GRID1: variants seen among roughly 807,000 people sequenced by gnomAD.
GRID1 encodes glutamate receptor ionotropic, delta-1.
In GRID1, 28 loss-of-function variants were observed where a neutral mutation model predicts 98.0. The observed-to-expected ratio is 0.29, with a 90% CI of 0.21 to 0.39. The LOEUF is 0.39. Among genes scored for constraint, GRID1 ranks in the 10% least tolerant of loss-of-function variants. The pLI, the probability that GRID1 is intolerant of heterozygous loss-of-function variation, is 1.00. For synonymous variants in GRID1, 553 were observed against 538.5 expected (o/e 1.03, Z -0.37); for missense variants, 1,111 against 1,340.5 (o/e 0.83, Z 2.67).
intron 3 of GRID1, among the ~76,000 whole-genome samples, chr10:86,185,453 A>T (rs1845714640): frequency 6.6e-6 from 1 of 152,000 alleles, no homozygotes; most frequent in South Asian, 2.1e-4. Context: ...CAATCTGGGC[A>T]TCTTTGTTTC....
At chr10:85,872,304 G>A (rs1843286324) in intron 5 of GRID1, among the ~76,000 whole-genome samples, 1 of 152,170 alleles carries the variant, frequency 6.6e-6, no homozygotes, top group African/African-American at 2.4e-5. Context: ...GCACAAAAGA[G>A]AGAATCAGAG....
chr10:85,734,236 T>C (rs914643946), intron 8 of GRID1, among the ~76,000 whole-genome samples: 5 of 152,110 alleles, frequency 3.3e-5, no homozygotes, highest in Non-Finnish European at 7.4e-5. Flanking sequence ...GGGAGCTCTG[T>C]AAACTGTTGA....
At chr10:86,310,404 C>G (rs183402545) in intron 2 of GRID1, among the ~76,000 whole-genome samples, 11 of 152,140 alleles carry the variant, frequency 7.2e-5, no homozygotes, top group Non-Finnish European at 1.3e-4. Context: ...TTTCACCAGA[C>G]CAGCATCTGT....
At chr10:85,719,551 C>T (rs1841676829) in intron 12 of GRID1, among the ~76,000 whole-genome samples, 1 of 152,124 alleles carries the variant, frequency 6.6e-6, no homozygotes, top group Admixed American at 6.5e-5. Flanking sequence ...GAAGCAAAAG[C>T]AGAAACCCCT....
At chr10:85,666,961 C>T (rs546657829) in intron 12 of GRID1, among the ~76,000 whole-genome samples, 40 of 152,122 alleles carry the variant, frequency 2.6e-4, no homozygotes, top group Admixed American at 6.5e-4. Flanking sequence ...CACAATATTT[C>T]GCAGATCTCC....
intron 5 of GRID1, among the ~76,000 whole-genome samples, chr10:85,908,822 G>A (rs149323858): frequency 0.012 from 1,767 of 152,134 alleles, 31 homozygotes; most frequent in African/African-American, 0.032. Flanking sequence ...AAAGAATGTC[G>A]GATTGGCATA....
At chr10:85,717,762 C>G (rs1841655745) in intron 12 of GRID1, among the ~76,000 whole-genome samples, 1 of 152,204 alleles carries the variant, frequency 6.6e-6, no homozygotes, top group African/African-American at 2.4e-5. Flanking sequence ...AGGCAAGTCC[C>G]TTCCACTCAT....
chr10:85,787,972 C>T (rs1403607530), intron 8 of GRID1, among the ~76,000 whole-genome samples: 1 of 151,822 alleles, frequency 6.6e-6, no homozygotes, highest in Non-Finnish European at 1.5e-5. Context: ...TTGCTCTTGT[C>T]TCCTGTTACC....
At chr10:86,146,594 C>T (rs995909613) in intron 3 of GRID1, among the ~76,000 whole-genome samples, 1 of 152,236 alleles carries the variant, frequency 6.6e-6, no homozygotes, top group Non-Finnish European at 1.5e-5. Context: ...CCTCCCCACA[C>T]CTCACACCTC....
At chr10:86,334,382 C>G (rs1848195448) in intron 2 of GRID1, among the ~76,000 whole-genome samples, 1 of 152,084 alleles carries the variant, frequency 6.6e-6, no homozygotes, top group African/African-American at 2.4e-5. Context: ...CCATGCTTTC[C>G]TTCCAGGTGT....
chr10:86,115,308 G>A (rs536102317), intron 4 of GRID1, among the ~76,000 whole-genome samples: 1 of 152,216 alleles, frequency 6.6e-6, no homozygotes, highest in Non-Finnish European at 1.5e-5. Context: ...GCTGCATGAG[G>A]CACAACTACT....
rs138923009 is a variant in GRID1, at chr10:85,621,725, C to A, written c.2194-1692G>T. ...TTTCAGAAGTCCTAAAGGACTTTGACCCAGGTTGCAAAATTACACACATCT... is the reference window on the plus strand; with the variant it reads ...TTTCAGAAGTCCTAAAGGACTTTGAACCAGGTTGCAAAATTACACACATCT... On this transcript the variant is annotated intron_variant, in intron 13 of 15. Coordinates refer to ENST00000327946, the MANE Select transcript of GRID1 (RefSeq NM_017551.3). 5.3e-5 allele frequency among the ~76,000 whole-genome samples: 8 copies of A among 152,298 alleles called. No individual in the cohort carries two copies. In the East Asian group the frequency reaches 1.2e-3, roughly 22 times the overall value.
At chr10:85,972,032 C>A (rs1196481937) in intron 4 of GRID1, among the ~76,000 whole-genome samples, 1 of 152,046 alleles carries the variant, frequency 6.6e-6, no homozygotes, top group Non-Finnish European at 1.5e-5. Context: ...GAGAATCAAC[C>A]CCTAACAGAC....
intron 2 of GRID1, among the ~76,000 whole-genome samples, chr10:86,233,227 T>C (rs1412174036): frequency 2.0e-5 from 3 of 151,592 alleles, no homozygotes; most frequent in Non-Finnish European, 4.4e-5. Context: ...GCCTCTGTTG[T>C]GACCACCTCA....
chr10:86,211,019 T>C (rs974082554), intron 2 of GRID1, among the ~76,000 whole-genome samples: 2 of 152,220 alleles, frequency 1.3e-5, no homozygotes, highest in East Asian at 3.8e-4. Flanking sequence ...TGGTCCTCTC[T>C]GGGTTACTGG....
At chr10:85,710,585 G>GGCA (rs1339583099) in intron 12 of GRID1, among the ~76,000 whole-genome samples, 2 of 151,998 alleles carry the variant, frequency 1.3e-5, no homozygotes, top group African/African-American at 4.8e-5. Context: ...CTAAAGTACA[G>GGCA]GCAACAAGAG....
At chr10:85,602,766 G>A (rs1842599405) in intron 15 of GRID1, 65 bp from the exon 16 acceptor site, 12 of 1,228,778 alleles carry the variant, frequency 9.8e-6, no homozygotes, top group Non-Finnish European at 1.3e-5. Context: ...GCTTGCTACA[G>A]CTCTGGATGT....
chr10:86,051,588 G>C (rs1843503515), intron 4 of GRID1, among the ~76,000 whole-genome samples: 1 of 150,522 alleles, frequency 6.6e-6, no homozygotes, highest in South Asian at 2.1e-4. Flanking sequence ...TAAAACCCCT[G>C]CTATAAAGAT....
At chr10:85,714,867 A>G (rs1028078594) in intron 12 of GRID1, among the ~76,000 whole-genome samples, 3 of 152,094 alleles carry the variant, frequency 2.0e-5, no homozygotes, top group South Asian at 2.1e-4. Flanking sequence ...TACCAATGAC[A>G]TTCTTCACAG....
Sources: gnomAD v4.1 joint callset for allele counts (sites outside exome capture counted in the v4.1 genomes callset) on GRCh38, gnomAD v4.1.1 for gene constraint, MANE v1.5 for transcripts, NCBI Gene and HGNC (gene_info 2026-07-23, HGNC 2026-07-21) for gene names.